The following DAB1 variants were observed in gnomAD, a reference collection of about 807,000 sequenced individuals.
DAB1 encodes disabled homolog 1.
DAB1 carries 15 observed loss-of-function variants against 64.6 expected under a neutral mutation model. The ratio of observed to expected loss-of-function variants is 0.23; its 90% CI spans 0.16 to 0.36. The LOEUF (loss-of-function observed/expected upper bound fraction) is 0.36, where lower values mean the gene tolerates loss of function less well. Among genes scored for constraint, DAB1 ranks in the 10% least tolerant of loss-of-function variants. DAB1 has a pLI of 1.00. For synonymous variants in DAB1, 235 were observed against 251.9 expected, an observed-to-expected ratio of 0.93 and a Z score of 0.64; for missense variants, 596 against 706.7, an observed-to-expected ratio of 0.84 and a Z score of 1.78.
At chr1:57,936,891 T>C (rs535126749) in intron 5 of DAB1, among the ~76,000 whole-genome samples, 1 of 152,298 alleles carries the variant, frequency 6.6e-6, no homozygotes, top group South Asian at 2.1e-4. Flanking sequence ...CTCTTCATTC[T>C]GCTGCCAGGA....
intron 5 of DAB1, among the ~76,000 whole-genome samples, chr1:57,890,889 C>T (rs112511747): frequency 1.3e-5 from 2 of 152,208 alleles, no homozygotes; most frequent in Admixed American, 6.5e-5. Flanking sequence ...TCTGAACACA[C>T]TGTGCATTTT....
At chr1:57,306,593 G>A (rs890145533) in intron 1 of DAB1, among the ~76,000 whole-genome samples, 53 of 147,118 alleles carry the variant, frequency 3.6e-4, no homozygotes, top group African/African-American at 1.3e-3. Context: ...ATCCCCCCAG[G>A]CTCCTTGTCT....
At chr1:57,593,985 T>C (rs1447727732) in intron 7 of DAB1, among the ~76,000 whole-genome samples, 1 of 152,202 alleles carries the variant, frequency 6.6e-6, no homozygotes, top group East Asian at 1.9e-4. Flanking sequence ...CTGGGTTGTA[T>C]GCCTTGCCTA....
chr1:58,268,925 C>A (rs915168198), intron 4 of DAB1, among the ~76,000 whole-genome samples: 1 of 152,108 alleles, frequency 6.6e-6, no homozygotes, highest in Non-Finnish European at 1.5e-5. Flanking sequence ...TATAGACCAA[C>A]TGAATAGAAT....
chr1:57,742,839 T>A (rs1648066141), intron 6 of DAB1, among the ~76,000 whole-genome samples: 1 of 152,022 alleles, frequency 6.6e-6, no homozygotes, highest in Admixed American at 6.6e-5. Context: ...ATCTGGGCAG[T>A]GAGAAGCACC....
intron 5 of DAB1, among the ~76,000 whole-genome samples, chr1:58,072,085 T>TCG (rs1553157684): frequency 3.6e-5 from 3 of 82,200 alleles, no homozygotes; most frequent in Non-Finnish European, 7.0e-5. Flanking sequence ...ATTGGTGGGG[T>TCG]GGGGGGGGGT....
chr1:57,272,256 C>A (rs974841217), intron 2 of DAB1, among the ~76,000 whole-genome samples: 1 of 152,170 alleles, frequency 6.6e-6, no homozygotes, highest in Non-Finnish European at 1.5e-5. Context: ...AAAGTAGAAC[C>A]ACACGCCTGG....
intron 6 of DAB1, among the ~76,000 whole-genome samples, chr1:57,804,476 G>T (rs7521512): frequency 6.6e-6 from 1 of 152,094 alleles, no homozygotes. Flanking sequence ...TGAGCCTGGG[G>T]TTCAATACTT....
intron 5 of DAB1, among the ~76,000 whole-genome samples, chr1:58,125,162 A>G (rs1411381359): frequency 1.3e-5 from 2 of 152,174 alleles, no homozygotes; most frequent in Non-Finnish European, 2.9e-5. Flanking sequence ...TTTAAAAGAA[A>G]ATTCAATGGT....
intron 1 of DAB1, among the ~76,000 whole-genome samples, chr1:57,367,118 T>TAAAATAAAATA (rs200326231): frequency 1.0e-4 from 13 of 129,892 alleles, no homozygotes; most frequent in Non-Finnish European, 1.7e-4. Context: ...TAAAATAAAA[T>TAAAATAAAATA]AAATAAATTA....
intron 1 of DAB1, among the ~76,000 whole-genome samples, chr1:57,298,017 C>T (rs1224747979): frequency 6.6e-6 from 1 of 152,196 alleles, no homozygotes; most frequent in Non-Finnish European, 1.5e-5. Context: ...TCCTCCTGCC[C>T]CCTGGACCAC....
chr1:58,466,659 C>T (rs759813993), intron 3 of DAB1, among the ~76,000 whole-genome samples: 5 of 152,178 alleles, frequency 3.3e-5, no homozygotes, highest in Non-Finnish European at 5.9e-5. Context: ...TCCTTCCCTG[C>T]CAAACACCCT....
At chr1:58,283,602 C>G (rs780801680) in intron 4 of DAB1, among the ~76,000 whole-genome samples, 2 of 152,148 alleles carry the variant, frequency 1.3e-5, no homozygotes, top group Admixed American at 6.5e-5. Flanking sequence ...TGCAAACTTG[C>G]GCGAGTCACT....
chr1:57,687,004 T>C (rs1646705198), intron 6 of DAB1, among the ~76,000 whole-genome samples: 1 of 152,058 alleles, frequency 6.6e-6, no homozygotes, highest in Admixed American at 6.6e-5. Flanking sequence ...ATGCCCAGTC[T>C]CACCACTCCC....
intron 7 of DAB1, among the ~76,000 whole-genome samples, chr1:57,503,451 T>C (rs748346868): frequency 6.6e-6 from 1 of 152,212 alleles, no homozygotes; most frequent in Non-Finnish European, 1.5e-5. Context: ...TAACTAGTCT[T>C]ATTGCCTCAT....
chr1:58,219,488 A>C (rs536000334), intron 4 of DAB1, among the ~76,000 whole-genome samples: 1 of 152,164 alleles, frequency 6.6e-6, no homozygotes, highest in Non-Finnish European at 1.5e-5. Context: ...CACTCCCACC[A>C]ACCTCTGGGC....
intron 6 of DAB1, among the ~76,000 whole-genome samples, chr1:57,717,013 G>T (rs3118068): frequency 0.053 from 8,121 of 152,070 alleles, 716 homozygotes; most frequent in African/African-American, 0.18. Context: ...GGTTGAGGTG[G>T]GTGGATCACG....
intron 3 of DAB1, among the ~76,000 whole-genome samples, chr1:58,401,485 C>T (rs1176038540): frequency 6.6e-6 from 1 of 152,228 alleles, no homozygotes; most frequent in East Asian, 1.9e-4. Context: ...CTCCCCAGCA[C>T]ATCATATCTC....
intron 5 of DAB1, among the ~76,000 whole-genome samples, chr1:58,013,953 G>A (rs182840069): frequency 7.3e-5 from 11 of 150,064 alleles, no homozygotes; most frequent in Admixed American, 2.0e-4. Context: ...CACACCACTG[G>A]TAATAACACT....
Sources: allele counts gnomAD v4.1 joint callset (sites outside exome capture counted in the v4.1 genomes callset), GRCh38; gene constraint gnomAD v4.1.1; transcripts MANE v1.5; gene names NCBI Gene and HGNC (gene_info 2026-07-23, HGNC 2026-07-21).